The following PLEKHH2 variants were observed in gnomAD, a reference collection of about 807,000 sequenced individuals.
PLEKHH2 encodes pleckstrin homology domain-containing family H member 2.
PLEKHH2 carries 129 observed loss-of-function variants against 187.9 expected under a neutral mutation model. That is an observed-to-expected ratio of 0.69 (90% CI 0.59 to 0.79). The LOEUF (loss-of-function observed/expected upper bound fraction) is 0.79. Among genes scored for constraint, PLEKHH2 ranks in the 30% least tolerant of loss-of-function variants. The probability of loss-of-function intolerance (pLI) is 0.00; values close to 1 mark genes in which losing one functional copy is unlikely to be tolerated. For synonymous variants in PLEKHH2, 686 were observed against 605.6 expected (o/e 1.13, Z -1.95); for missense variants, 2,076 against 1,751.2 (o/e 1.19, Z -3.31).
chr2:43,722,651 T>C (rs551025905), intron 16 of PLEKHH2, among the ~76,000 whole-genome samples: 4 of 152,324 alleles, frequency 2.6e-5, no homozygotes, highest in African/African-American at 9.6e-5. Context: ...TAGAGGATGG[T>C]GATTGGAAGG....
rs1473747516 is a variant in PLEKHH2, at chr2:43,677,903, ACGGGGCGGC to A, written c.124-959_124-951del. Among the ~76,000 whole-genome samples the A allele has an allele frequency of 2.8e-3, 125 of 44,714 alleles. 2 individuals are homozygous for A. In the South Asian group the frequency reaches 0.063, roughly 23 times the overall value. The allele number at this position is 44,714 out of a possible 152,430, so 29.3% of individuals were successfully genotyped here. A position where few individuals can be genotyped will look rare whatever the true frequency, so the allele number is the denominator to read the frequency against. The stretch of plus-strand genomic sequence containing the variant: ...GCTGATCTCCCCACCTCCCTCCAGG[ACGGGGCGGC>A]TGGCCGGGCGGGGGGCTGATCCCCC... On this transcript the variant is annotated intron_variant, in intron 2 of 29. Coordinates refer to ENST00000282406, the MANE Select transcript of PLEKHH2 (RefSeq NM_172069.4).
At position 43,679,959 on chromosome 2, in the gene PLEKHH2, C is replaced by T. The variant is rs116413795; in HGVS notation, c.186+1034C>T. Among the ~76,000 whole-genome samples, 427 of 152,226 alleles carry T rather than the reference C, an allele frequency of 2.8e-3. 2 individuals are homozygous for T. The highest frequency in any genetic ancestry group is 0.01 in the African/African-American group (420 of 41,530). ...GGATTACAGGTGTGAGCTCACTGTG[C>T]TCAGACAACTTTTATTATTTTTAAA... On this transcript the variant is annotated intron_variant, in intron 3 of 29. Transcript: ENST00000282406.
chr2:43,738,570 TC>T, intron 20 of PLEKHH2, 50 bp downstream of exon 20: 1 of 1,492,384 alleles, frequency 6.7e-7, no homozygotes, highest in Non-Finnish European at 9.1e-7. Context: ...TGTTTTTTTT[TC>T]TGATTGTAAG....
In PLEKHH2 at chr2:43,742,925, T is replaced by C; in HGVS notation, c.3399+7T>C. ...CATGAATGGGATATACCAGGTAGGT[T>C]ACCTGATGAAAATATGCTTAGCCAA... is the stretch of plus-strand genomic sequence containing the variant. On this transcript the variant is annotated splice_region_variant and intron_variant, in intron 22 of 29. Coordinates refer to ENST00000282406, the MANE Select transcript of PLEKHH2 (RefSeq NM_172069.4). 6.7e-7 allele frequency: 1 copy of C among 1,492,840 alleles called. No individual in the cohort carries two copies. Among genetic ancestry groups the C allele is most frequent in the Non-Finnish European group, 8.9e-7 (1 of 1,119,128 alleles). The allele number at this position is 1,492,840 out of a possible 1,614,324, so 92.5% of individuals were successfully genotyped here. A position where few individuals can be genotyped will look rare whatever the true frequency, so the allele number is the denominator to read the frequency against.
chr2:43,757,416 T>C (rs1368131748), intron 26 of PLEKHH2, 152 bp downstream of exon 26: 3 of 582,404 alleles, frequency 5.2e-6, no homozygotes, highest in Admixed American at 9.4e-5. Context: ...TAGATTTTTT[T>C]TCTTTCTTTT....
chr2:43,762,313 C>T lies in PLEKHH2; in HGVS notation c.4081C>T (p.Pro1361Ser). 1 of 1,610,828 alleles carries T rather than the reference C, an allele frequency of 6.2e-7. No individual in the cohort carries two copies. Among genetic ancestry groups the T allele is most frequent in the Non-Finnish European group, 8.5e-7 (1 of 1,177,120 alleles). The change falls in exon 28 of 30, where the codon CCA becomes TCA. Residue 1361 changes from proline (P) to serine (S), a missense_variant. Physicochemically the swap from Pro to Ser is moderately conservative, Grantham distance 74. Transcript: ENST00000282406. ...AKLFLAKPIT[P>S]SSLGSTFLWL... is the part of the protein sequence containing the mutation. The stretch of plus-strand genomic sequence containing the variant: ...TTTCACCTCTTCATAGCCCATAACT[C>T]CATCATCACTTGGAAGTACTTTCTT...
At chr2:43,739,097 G>C (rs1460310047) in intron 20 of PLEKHH2, among the ~76,000 whole-genome samples, 1 of 152,082 alleles carries the variant, frequency 6.6e-6, no homozygotes, top group Non-Finnish European at 1.5e-5. Context: ...CACCATGTTG[G>C]TCAGGCTGGC....
At position 43,726,471 on chromosome 2, in the gene PLEKHH2, T is replaced by C; in HGVS notation, c.2721+20T>C. 6.4e-7 allele frequency: 1 copy of C among 1,566,336 alleles called. No individual in the cohort carries two copies. The highest frequency in any genetic ancestry group is 8.8e-7 in the Non-Finnish European group (1 of 1,137,674). ...GAAAAGGTATTCAAAGACTTATTGGTTGATTTAGAATGATGTAGACTAATA... is the reference window on the plus strand; with the variant it reads ...GAAAAGGTATTCAAAGACTTATTGGCTGATTTAGAATGATGTAGACTAATA... On this transcript the variant is annotated intron_variant, in intron 17 of 29. Transcript: ENST00000282406.
chr2:43,734,817 G>A (rs959963915), intron 19 of PLEKHH2, among the ~76,000 whole-genome samples: 44 of 152,240 alleles, frequency 2.9e-4, no homozygotes, highest in African/African-American at 9.9e-4. Flanking sequence ...TTATAGCACT[G>A]TTCACAAGAA....
At chr2:43,739,962 C>T (rs1671485323) in intron 20 of PLEKHH2, among the ~76,000 whole-genome samples, 2 of 152,274 alleles carry the variant, frequency 1.3e-5, no homozygotes, top group African/African-American at 4.8e-5. Flanking sequence ...CGTGGTATTA[C>T]CATGTTGTAT....
At chr2:43,665,745 A>G (rs1238991966) in intron 2 of PLEKHH2, among the ~76,000 whole-genome samples, 2 of 123,044 alleles carry the variant, frequency 1.6e-5, no homozygotes, top group African/African-American at 6.7e-5. Context: ...GTGAGGTGTC[A>G]GTGTGCCCCT....
intron 9 of PLEKHH2, among the ~76,000 whole-genome samples, chr2:43,704,359 C>G (rs1669541975): frequency 6.6e-6 from 1 of 152,002 alleles, no homozygotes; most frequent in African/African-American, 2.4e-5. Context: ...CTGAACTGTA[C>G]AATTAAAAAT....
At chr2:43,742,676 G>C in intron 21 of PLEKHH2, 65 bp from the exon 22 acceptor site, 1 of 1,231,720 alleles carries the variant, frequency 8.1e-7, no homozygotes, top group South Asian at 1.8e-5. Flanking sequence ...CTTTCTTAAT[G>C]GTTGCACATA....
In PLEKHH2 at chr2:43,697,223, C is replaced by T; in HGVS notation, c.555C>T (p.Gly185=). The change falls in exon 7 of 30, where the codon GGC becomes GGT. Residue 185 remains glycine, a synonymous_variant. Transcript: ENST00000282406. Reference sequence around the variant, plus strand: ...TCTCTACACTAAAGCTTTCGGAAGGCCAGCGCCTGAGCAGTTTGACCTTTG... The same window carrying T: ...TCTCTACACTAAAGCTTTCGGAAGGTCAGCGCCTGAGCAGTTTGACCTTTG... ...STVSTLKLSE[G]QRLSSLTFGC... is the part of the protein sequence containing the mutation. 2 of 1,613,390 alleles carry T rather than the reference C, an allele frequency of 1.2e-6. No homozygotes were observed.
Position 43,729,678 on chromosome 2 carries a change from C to T in PLEKHH2, c.2763C>T (p.Asn921=). ...LYHLTVAAGS[N]NVNVGSEFEQ... is the part of the protein sequence containing the mutation. ...ATCTGACTGTTGCAGCTGGAAGCAA[C>T]AATGTAAACGTTGGATCTGAATTTG... The change falls in exon 18 of 30, where the codon AAC becomes AAT. Residue 921 remains asparagine (N), a synonymous_variant. Transcript: ENST00000282406. 1 of 1,608,466 alleles carries T rather than the reference C, an allele frequency of 6.2e-7. No homozygotes were observed. Among genetic ancestry groups the T allele is most frequent in the Non-Finnish European group, 8.5e-7 (1 of 1,178,178 alleles).
rs1172967594 is a variant in PLEKHH2, at chr2:43,735,385, G to C, written c.2944-2956G>C. Among the ~76,000 whole-genome samples the C allele has an allele frequency of 2.0e-5, 3 of 152,118 alleles. No individual in the cohort carries two copies. In the East Asian group the frequency reaches 5.8e-4, roughly 29 times the overall value. On this transcript the variant is annotated intron_variant, in intron 19 of 29. Transcript: ENST00000282406. Reference sequence around the variant, plus strand: ...GAGCTAAAAAAGTGGATCTCATAGAGGTAGATGGTAAAATAGAATGGTGGT... The same window carrying C: ...GAGCTAAAAAAGTGGATCTCATAGACGTAGATGGTAAAATAGAATGGTGGT...
chr2:43,722,588 G>A (rs1047130844), intron 16 of PLEKHH2, among the ~76,000 whole-genome samples: 2 of 152,180 alleles, frequency 1.3e-5, no homozygotes, highest in African/African-American at 2.4e-5. Context: ...ACCATAACAG[G>A]GAAGGAGGTT....
At chr2:43,731,674 T>A in intron 19 of PLEKHH2, 72 bp downstream of exon 19, 1 of 1,035,610 alleles carries the variant, frequency 9.7e-7, no homozygotes, top group Non-Finnish European at 1.3e-6. Flanking sequence ...TGGAAAAAAA[T>A]TAAAAATAAC....
Position 43,706,421 on chromosome 2 carries a change from C to G in PLEKHH2, c.1821+5C>G, listed in dbSNP as rs1474809250. 6.5e-7 allele frequency: 1 copy of G among 1,542,490 alleles called. No individual in the cohort carries two copies. Among genetic ancestry groups the G allele is most frequent in the Non-Finnish European group, 8.9e-7 (1 of 1,121,594 alleles). On this transcript the variant is annotated splice_donor_5th_base_variant and intron_variant, in intron 10 of 29. Transcript: ENST00000282406. ...GTGTATACAACTTTGAAGGGGGTAA[C>G]TCATTATTGTTATTGTTAAAACATG...
Sources: gnomAD v4.1 joint callset for allele counts (sites outside exome capture counted in the v4.1 genomes callset) on GRCh38, gnomAD v4.1.1 for gene constraint, MANE v1.5 for transcripts, NCBI Gene and HGNC (gene_info 2026-07-23, HGNC 2026-07-21) for gene names.